Variants in SPHKAP observed in about 807,000 individuals in gnomAD.
SPHKAP encodes SPHK1 interactor, AKAP domain containing.
SPHKAP carries 67 observed loss-of-function variants against 137.5 expected under a neutral mutation model. The observed-to-expected ratio is 0.49, with a 90% confidence interval of 0.40 to 0.60. SPHKAP has a LOEUF of 0.60. Ranked by LOEUF, SPHKAP falls within the 20% of genes least tolerant of loss-of-function variation. The probability of loss-of-function intolerance (pLI) is 0.00; values close to 1 mark genes in which losing one functional copy is unlikely to be tolerated. For synonymous variants in SPHKAP, 813 were observed against 785.3 expected (o/e 1.04, Z -0.59); for missense variants, 2,097 against 2,069.3 (o/e 1.01, Z -0.26).
chr2:228,162,284 T>G (rs2106414488), intron 1 of SPHKAP, among the ~76,000 whole-genome samples: 1 of 152,320 alleles, frequency 6.6e-6, no homozygotes, highest in Admixed American at 6.5e-5. Flanking sequence ...TATATCTGCA[T>G]TTCAGAATCA....
intron 3 of SPHKAP, among the ~76,000 whole-genome samples, chr2:228,029,641 T>C (rs1178323508): frequency 6.6e-6 from 1 of 152,230 alleles, no homozygotes; most frequent in Non-Finnish European, 1.5e-5. Flanking sequence ...TGAGTCCCTT[T>C]GCAGACAGTG....
chr2:228,175,678 T>C (rs568216716), intron 1 of SPHKAP, among the ~76,000 whole-genome samples: 35 of 152,302 alleles, frequency 2.3e-4, no homozygotes, highest in Non-Finnish European at 1.5e-5. Context: ...AATTTATCCC[T>C]ATCTACAATC....
intron 3 of SPHKAP, among the ~76,000 whole-genome samples, chr2:228,078,192 A>T (rs1201152335): frequency 6.6e-6 from 1 of 152,138 alleles, no homozygotes; most frequent in Non-Finnish European, 1.5e-5. Context: ...AATAAAAGAG[A>T]CCAGCCAATT....
rs992097123 is a variant in SPHKAP at position 228,016,837 on chromosome 2, G to A, written c.4017C>T (p.Gly1339=). 7 of 1,613,928 alleles carry A rather than the reference G, an allele frequency of 4.3e-6. No individual in the cohort carries two copies. Among genetic ancestry groups the A allele is most frequent in the East Asian group, 4.5e-5 (2 of 44,864 alleles). Residue 1339 remains glycine (G), a synonymous_variant, in exon 7 of 12, where the codon GGC becomes GGT. Coordinates refer to ENST00000392056, the MANE Select transcript of SPHKAP (RefSeq NM_001142644.2). ...CACACTTCTCTGCTTGCGAGGGAGA[G>A]CCACCAGAAACAGGCTCAGTGTCAG... ...EEADTEPVSG[G]SPSQAEKCAN... is the part of the protein sequence containing the mutation.
chr2:228,175,854 A>G (rs1048284396), intron 1 of SPHKAP, among the ~76,000 whole-genome samples: 23 of 152,198 alleles, frequency 1.5e-4, no homozygotes, highest in African/African-American at 5.1e-4. Context: ...GGAAGACAGG[A>G]TATCTATGCT....
At chr2:228,151,047 AG>A (rs1256891364) in intron 1 of SPHKAP, among the ~76,000 whole-genome samples, 11 of 151,474 alleles carry the variant, frequency 7.3e-5, no homozygotes, top group African/African-American at 2.7e-4. Context: ...CTTGTCATTT[AG>A]CATTAGGTAT....
intron 1 of SPHKAP, among the ~76,000 whole-genome samples, chr2:228,148,632 G>GACCCCAC (rs1392799985): frequency 6.6e-6 from 1 of 152,000 alleles, no homozygotes; most frequent in Non-Finnish European, 1.5e-5. Context: ...TAATCCCCTG[G>GACCCCAC]ACCCCACACC....
At chr2:228,110,448 A>G (rs1698483728) in intron 2 of SPHKAP, among the ~76,000 whole-genome samples, 1 of 152,174 alleles carries the variant, frequency 6.6e-6, no homozygotes, top group African/African-American at 2.4e-5. Context: ...TGGATGAGCA[A>G]GTAATTGAAT....
Position 228,016,416 on chromosome 2 carries a change from G to C in SPHKAP, c.4438C>G (p.Gln1480Glu), listed in dbSNP as rs1183232897. The C allele has an allele frequency of 6.3e-7, 1 of 1,591,388 alleles. No individual in the cohort carries two copies. The highest frequency in any genetic ancestry group is 8.5e-7 in the Non-Finnish European group (1 of 1,171,364). Residue 1480 changes from glutamine to glutamate, a missense_variant, in exon 7 of 12, where the codon CAA becomes GAA. Transcript: ENST00000392056. The stretch of plus-strand genomic sequence containing the variant: ...AGACGATTCACTCACCTATGGATTT[G>C]ACAAGCGCTCACGGCTGTGTCTCCA... The part of the protein sequence containing the change: ...RGGDTAVSAC[Q>E]IHSDSLDTRD...
intron 1 of SPHKAP, among the ~76,000 whole-genome samples, chr2:228,138,461 G>A (rs779732567): frequency 1.3e-5 from 2 of 152,060 alleles, no homozygotes; most frequent in Admixed American, 6.6e-5. Flanking sequence ...TAGGTAAGAA[G>A]TTTATATTTT....
chr2:228,097,510 T>G (rs1378629773), intron 3 of SPHKAP, among the ~76,000 whole-genome samples: 1 of 152,178 alleles, frequency 6.6e-6, no homozygotes, highest in Non-Finnish European at 1.5e-5. Flanking sequence ...TTTATTTTTT[T>G]TCAACTTTTA....
At chr2:228,169,703 A>G (rs1700527270) in intron 1 of SPHKAP, 1 of 152,076 alleles carries the variant, frequency 6.6e-6, no homozygotes. Flanking sequence ...TCAAGGAGTA[A>G]TTTCGATTTT....
chr2:228,049,766 G>A (rs1696189454), intron 3 of SPHKAP, among the ~76,000 whole-genome samples: 1 of 152,122 alleles, frequency 6.6e-6, no homozygotes, highest in Non-Finnish European at 1.5e-5. Flanking sequence ...TTATGTTCCT[G>A]CCTTAATTCA....
At chr2:228,107,787 C>G (rs1324911560) in intron 3 of SPHKAP, among the ~76,000 whole-genome samples, 2 of 152,186 alleles carry the variant, frequency 1.3e-5, no homozygotes, top group Non-Finnish European at 2.9e-5. Flanking sequence ...ATTTTTGCCA[C>G]TTAATTCTTT....
intron 3 of SPHKAP, among the ~76,000 whole-genome samples, chr2:228,087,643 A>G (rs1384263238): frequency 2.6e-5 from 4 of 152,206 alleles, no homozygotes. Context: ...TCTGGAATTG[A>G]AAAGTATAAT....
At chr2:228,111,733 G>T (rs80275835) in intron 2 of SPHKAP, among the ~76,000 whole-genome samples, 3,429 of 152,082 alleles carry the variant, frequency 0.023, 53 homozygotes, top group Non-Finnish European at 0.036. Flanking sequence ...GAAATTTTCA[G>T]GTTGAAAATG....
At position 228,121,426 on chromosome 2, in the gene SPHKAP, G is replaced by A. The variant is rs141320735; in HGVS notation, c.138+10554C>T. Among the ~76,000 whole-genome samples the A allele has an allele frequency of 5.0e-3, 754 of 152,288 alleles. 6 individuals carry two copies. Among genetic ancestry groups the A allele is most frequent in the African/African-American group, 0.017 (706 of 41,566 alleles). On this transcript the variant is annotated intron_variant, in intron 2 of 11. Coordinates refer to ENST00000392056, the MANE Select transcript of SPHKAP (RefSeq NM_001142644.2). The stretch of plus-strand genomic sequence containing the variant: ...AGCTACTCAGGAGGCTGAGGTGGGA[G>A]GATCACTTGAGCCCAGGAGTTCGAG...
chr2:228,168,837 T>C (rs1700495586), intron 1 of SPHKAP, among the ~76,000 whole-genome samples: 1 of 152,150 alleles, frequency 6.6e-6, no homozygotes, highest in South Asian at 2.1e-4. Flanking sequence ...ATCAAGCAGT[T>C]AGCCACATTG....
chr2:228,132,086 C>T lies in SPHKAP; in HGVS notation c.33-1G>A. 1.2e-6 allele frequency: 2 copies of T among 1,613,148 alleles called. No individual in the cohort carries two copies. Among genetic ancestry groups the T allele is most frequent in the South Asian group, 1.1e-5 (1 of 91,072 alleles). ...ATACATCCGTGATGACTCCAAGTTG[C>T]TGTTTGTGACCCAAAACACAAAAAC... On this transcript the variant is annotated splice_acceptor_variant, in intron 1 of 11. Coordinates refer to ENST00000392056, the MANE Select transcript of SPHKAP (RefSeq NM_001142644.2). LOFTEE classifies it high-confidence loss of function.
Sources: allele counts gnomAD v4.1 joint callset (sites outside exome capture counted in the v4.1 genomes callset), GRCh38; gene constraint gnomAD v4.1.1; transcripts MANE v1.5; gene names NCBI Gene and HGNC (gene_info 2026-07-23, HGNC 2026-07-21).